The following BPTF variants were observed in gnomAD, a reference collection of about 807,000 sequenced individuals.
The protein encoded by BPTF is nucleosome-remodeling factor subunit BPTF.
Under a neutral mutation model 292.5 loss-of-function variants are expected in BPTF, and 18 were observed. The observed-to-expected ratio is 0.06, with a 90% CI of 0.04 to 0.09. The LOEUF is 0.09. Ranked by LOEUF, BPTF falls within the 10% of genes least tolerant of loss-of-function variation. The probability of loss-of-function intolerance (pLI) is 1.00; values close to 1 mark genes in which losing one functional copy is unlikely to be tolerated. For missense variants in BPTF, 2,726 were observed against 3,498.7 expected, an observed-to-expected ratio of 0.78 and a Z score of 5.57; for synonymous variants, 1,225 against 1,251.9, an observed-to-expected ratio of 0.98 and a Z score of 0.45.
intron 23 of BPTF, among the ~76,000 whole-genome samples, chr17:67,952,796 A>G (rs1467663808): frequency 1.3e-5 from 2 of 152,296 alleles, no homozygotes; most frequent in African/African-American, 4.8e-5. Flanking sequence ...TCATCATCAC[A>G]GTATCATTCA....
chr17:67,928,636 GTT>G, intron 16 of BPTF, 35 bp downstream of exon 16: 2 of 1,541,724 alleles, frequency 1.3e-6, no homozygotes, highest in Non-Finnish European at 1.8e-6. Context: ...GATTACTTTG[GTT>G]CAGGAAAAAG....
At position 67,923,470 on chromosome 17, in the gene BPTF, TC is replaced by T. The variant is rs2063604292; in HGVS notation, c.5708+481del. On this transcript the variant is annotated intron_variant, in intron 14 of 27. Coordinates refer to ENST00000306378, the MANE Select transcript of BPTF (RefSeq NM_182641.4). ...AGTTTAGTAAGGTCCTCTCTCTCTG[TC>T]TTTTTTTTTTTTTTTTTTTTTTTTT... is the stretch of plus-strand genomic sequence containing the variant. 3.2e-5 allele frequency among the ~76,000 whole-genome samples: 4 copies of T among 126,830 alleles called. No homozygotes were observed. The Admixed American group carries it at 3.5e-4, about 11-fold the overall frequency. 83.2% of individuals were successfully genotyped at this position (126,830 alleles called of 152,430 possible). A position where few individuals can be genotyped will look rare whatever the true frequency, so the allele number is the denominator to read the frequency against.
At chr17:67,885,836 G>A (rs1349501400) in intron 4 of BPTF, among the ~76,000 whole-genome samples, 5 of 151,980 alleles carry the variant, frequency 3.3e-5, no homozygotes, top group Admixed American at 3.3e-4. Flanking sequence ...CCAGCTCTGG[G>A]GTATCCAAAA....
intron 7 of BPTF, among the ~76,000 whole-genome samples, chr17:67,895,836 G>T (rs373785754): frequency 1.3e-5 from 2 of 152,018 alleles, no homozygotes; most frequent in Non-Finnish European, 2.9e-5. Context: ...AATGCAATTC[G>T]ACTCCTTCCT....
At chr17:67,872,804 ATAT>A (rs751874178) in intron 3 of BPTF, among the ~76,000 whole-genome samples, 75 of 152,356 alleles carry the variant, frequency 4.9e-4, no homozygotes, top group Non-Finnish European at 7.3e-4. Context: ...GTTCTTTAAA[ATAT>A]AGGAATTAAG....
At chr17:67,875,705 G>A in intron 4 of BPTF, 1 of 1,604,136 alleles carries the variant, frequency 6.2e-7, no homozygotes. Flanking sequence ...CAACATGGCA[G>A]AGAAGAAGGT....
At chr17:67,835,728 C>T (rs1301338081) in intron 1 of BPTF, among the ~76,000 whole-genome samples, 3 of 150,032 alleles carry the variant, frequency 2.0e-5, no homozygotes, top group Admixed American at 1.3e-4. Flanking sequence ...TGCGGTGGCG[C>T]GATTTCGGCT....
intron 15 of BPTF, among the ~76,000 whole-genome samples, chr17:67,925,129 A>G (rs1259855665): frequency 6.7e-6 from 1 of 149,946 alleles, no homozygotes; most frequent in South Asian, 2.1e-4. Flanking sequence ...CTGTGGGTAC[A>G]CCAAGCTGTG....
rs1394070151 is a variant in BPTF, at chr17:67,964,102, C to G, written c.8262-110C>G. On this transcript the variant is annotated intron_variant, in intron 24 of 27. Transcript: ENST00000306378. ...TCTTGAAAGTATTAAAACCATAATACTAAAACTATTTTATATCCCAGGGTT... is the reference window on the plus strand; with the variant it reads ...TCTTGAAAGTATTAAAACCATAATAGTAAAACTATTTTATATCCCAGGGTT... 9 of 1,092,678 alleles carry G rather than the reference C, an allele frequency of 8.2e-6. No individual in the cohort carries two copies. In the Admixed American group the frequency reaches 2.1e-4, roughly 25 times the overall value. 67.7% of individuals were successfully genotyped at this position (1,092,678 alleles called of 1,614,324 possible). A position where few individuals can be genotyped will look rare whatever the true frequency, so the allele number is the denominator to read the frequency against.
chr17:67,851,113 T>C (rs538604471), intron 1 of BPTF, among the ~76,000 whole-genome samples: 9 of 152,234 alleles, frequency 5.9e-5, no homozygotes, highest in African/African-American at 1.2e-4. Context: ...CGGCCACTTA[T>C]CTGTGCACAG....
chr17:67,832,022 G>T (rs939468024), intron 1 of BPTF, among the ~76,000 whole-genome samples: 10 of 151,928 alleles, frequency 6.6e-5, no homozygotes, highest in African/African-American at 2.2e-4. Flanking sequence ...CTCCCGAGTA[G>T]GGGACTACAG....
chr17:67,909,484 C>G, intron 9 of BPTF, 98 bp from the exon 10 acceptor site: 3 of 690,302 alleles, frequency 4.3e-6, no homozygotes, highest in Admixed American at 4.0e-5. Context: ...TGAAACATAA[C>G]TTGCTGGAAA....
chr17:67,909,542 C>T (rs756530563), intron 9 of BPTF, 40 bp from the exon 10 acceptor site: 1 of 1,368,636 alleles, frequency 7.3e-7, no homozygotes, highest in Non-Finnish European at 9.8e-7. Flanking sequence ...TGCTAATACT[C>T]TGGAAATAAC....
intron 7 of BPTF, among the ~76,000 whole-genome samples, chr17:67,895,948 T>A (rs11653507): frequency 0.6 from 89,855 of 150,612 alleles, 30,263 homozygotes; most frequent in Non-Finnish European, 0.76. Context: ...AAACAATTCC[T>A]AAGTACTCAA....
At chr17:67,909,141 T>C (rs1027831653) in intron 9 of BPTF, among the ~76,000 whole-genome samples, 24 of 151,480 alleles carry the variant, frequency 1.6e-4, no homozygotes, top group Admixed American at 5.3e-4. Context: ...GCCTATAGTA[T>C]TAATGTTTAT....
At chr17:67,951,997 G>C (rs1326446959) in intron 23 of BPTF, among the ~76,000 whole-genome samples, 11 of 144,244 alleles carry the variant, frequency 7.6e-5, no homozygotes, top group African/African-American at 2.8e-4. Context: ...GGAGGTTGCA[G>C]TGACCCGAGA....
intron 4 of BPTF, among the ~76,000 whole-genome samples, chr17:67,878,860 T>A (rs886356755): frequency 2.6e-5 from 4 of 152,178 alleles, no homozygotes; most frequent in Admixed American, 2.6e-4. Flanking sequence ...CTACACTGAA[T>A]TTTGAATGTT....
chr17:67,935,228 T>C (rs1598766072), intron 18 of BPTF, among the ~76,000 whole-genome samples: 2 of 152,084 alleles, frequency 1.3e-5, no homozygotes, highest in East Asian at 3.9e-4. Flanking sequence ...GTTCTAGACA[T>C]CCTGGGCAAT....
At chr17:67,870,422 C>T (rs2059652105) in intron 3 of BPTF, among the ~76,000 whole-genome samples, 1 of 151,984 alleles carries the variant, frequency 6.6e-6, no homozygotes, top group Non-Finnish European at 1.5e-5. Flanking sequence ...ATTCTTTAAT[C>T]CTCTCAGCAA....
Sources: gnomAD v4.1 joint callset for allele counts (sites outside exome capture counted in the v4.1 genomes callset) on GRCh38, gnomAD v4.1.1 for gene constraint, MANE v1.5 for transcripts, NCBI Gene and HGNC (gene_info 2026-07-23, HGNC 2026-07-21) for gene names.